Variants in EPHA6 observed in about 807,000 individuals in gnomAD.
EPHA6 encodes the protein EPH receptor A6.
In EPHA6, 50 loss-of-function variants were observed where a neutral mutation model predicts 112.0. That is an observed-to-expected ratio of 0.45 (90% CI 0.36 to 0.56). EPHA6 has a LOEUF of 0.56. Among genes scored for constraint, EPHA6 ranks in the 20% least tolerant of loss-of-function variants. The probability of loss-of-function intolerance (pLI) is 0.00; values close to 1 mark genes in which losing one functional copy is unlikely to be tolerated. For synonymous variants in EPHA6, 529 were observed against 490.7 expected (o/e 1.08, Z -1.03); for missense variants, 1,280 against 1,417.4 (o/e 0.90, Z 1.56).
At chr3:97,672,581 G>A in intron 14 of EPHA6, among the ~76,000 whole-genome samples, 1 of 152,012 alleles carries the variant, frequency 6.6e-6, no homozygotes, top group Non-Finnish European at 1.5e-5. Flanking sequence ...AAGAGTGGAA[G>A]TGTCCTGTTG....
At chr3:97,555,284 A>G (rs911483213) in intron 11 of EPHA6, among the ~76,000 whole-genome samples, 1 of 152,124 alleles carries the variant, frequency 6.6e-6, no homozygotes, top group African/African-American at 2.4e-5. Context: ...GCTGCATAGT[A>G]TTCCATGGTG....
chr3:96,868,813 A>G (rs1295420716), intron 2 of EPHA6, among the ~76,000 whole-genome samples: 1 of 152,028 alleles, frequency 6.6e-6, no homozygotes, highest in Non-Finnish European at 1.5e-5. Context: ...TGTGCTACAT[A>G]AAATATAGGT....
chr3:97,071,720 T>C (rs921780684), intron 3 of EPHA6, among the ~76,000 whole-genome samples: 4 of 152,020 alleles, frequency 2.6e-5, no homozygotes, highest in Admixed American at 6.6e-5. Context: ...CCAAACCATA[T>C]CACATTATAT....
intron 7 of EPHA6, among the ~76,000 whole-genome samples, chr3:97,471,708 G>C (rs143154351): frequency 6.6e-6 from 1 of 151,814 alleles, no homozygotes; most frequent in East Asian, 1.9e-4. Context: ...CAAGGGAAGG[G>C]TGGGAATGTG....
chr3:97,640,988 G>T (rs1300350392), intron 14 of EPHA6, among the ~76,000 whole-genome samples: 1 of 152,130 alleles, frequency 6.6e-6, no homozygotes, highest in Non-Finnish European at 1.5e-5. Context: ...TGTTCATTAT[G>T]ATTCAATAAT....
intron 3 of EPHA6, among the ~76,000 whole-genome samples, chr3:97,038,525 A>G (rs1040345721): frequency 2.6e-5 from 4 of 152,190 alleles, no homozygotes; most frequent in African/African-American, 9.6e-5. Context: ...TCTATTGTGT[A>G]TATGTGACAC....
intron 16 of EPHA6, among the ~76,000 whole-genome samples, chr3:97,739,613 A>T (rs1038860734): frequency 3.3e-5 from 5 of 152,148 alleles, no homozygotes; most frequent in African/African-American, 1.2e-4. Context: ...CATGTTGGTC[A>T]TAGAAGGCTT....
chr3:96,947,545 T>C (rs187364329), intron 2 of EPHA6, among the ~76,000 whole-genome samples: 8 of 152,322 alleles, frequency 5.3e-5, no homozygotes, highest in Middle Eastern at 6.8e-3. Flanking sequence ...TCTATATCTC[T>C]GTTTTGGTAC....
intron 11 of EPHA6, among the ~76,000 whole-genome samples, chr3:97,577,671 A>C (rs1275832154): frequency 6.6e-6 from 1 of 152,210 alleles, no homozygotes. Flanking sequence ...TAACCAGTTA[A>C]AATTTTTATC....
chr3:97,253,392 G>A (rs1380063086), intron 5 of EPHA6, among the ~76,000 whole-genome samples: 1 of 152,114 alleles, frequency 6.6e-6, no homozygotes, highest in African/African-American at 2.4e-5. Context: ...ATGCATTCTA[G>A]TTATTTTGAC....
rs370583176 is a variant in EPHA6 at position 96,988,293 on chromosome 3, A to C, written c.1114+300A>C. ...AATTGATTCATATTAACCATAAGAA[A>C]ATTTCTGTCATTTTTCTCCTGGGAA... On this transcript the variant is annotated intron_variant, in intron 3 of 17. Coordinates refer to ENST00000389672, the MANE Select transcript of EPHA6 (RefSeq NM_001080448.3). 5.3e-5 allele frequency among the ~76,000 whole-genome samples: 8 copies of C among 152,102 alleles called. No homozygotes were observed. In the East Asian group the frequency reaches 1.4e-3, roughly 26 times the overall value.
chr3:97,474,308 A>G (rs534501986), intron 7 of EPHA6, among the ~76,000 whole-genome samples: 11 of 151,982 alleles, frequency 7.2e-5, no homozygotes, highest in South Asian at 6.2e-4. Flanking sequence ...AGATTAATAG[A>G]TATTATTTAT....
At chr3:97,079,397 A>G (rs2046644644) in intron 3 of EPHA6, among the ~76,000 whole-genome samples, 1 of 152,106 alleles carries the variant, frequency 6.6e-6, no homozygotes, top group African/African-American at 2.4e-5. Flanking sequence ...GAACTAAATG[A>G]TGAGAACACA....
intron 14 of EPHA6, among the ~76,000 whole-genome samples, chr3:97,662,464 T>A (rs568874227): frequency 1.3e-5 from 2 of 152,226 alleles, no homozygotes; most frequent in East Asian, 1.9e-4. Context: ...TAAGGACCTC[T>A]CACCTGCAGC....
chr3:96,897,332 A>G (rs9873123), intron 2 of EPHA6, among the ~76,000 whole-genome samples: 2 of 151,860 alleles, frequency 1.3e-5, no homozygotes, highest in Admixed American at 6.6e-5. Context: ...AGTATAACCC[A>G]TTTTCTTATT....
chr3:97,760,403 T>C lies in EPHA6; in HGVS notation c.*11702T>C, dbSNP rs1270116911. 1.8e-5 allele frequency: 3 copies of C among 165,146 alleles called. No individual in the cohort carries two copies. The East Asian group carries it at 3.6e-4, about 20-fold the overall frequency. The allele number at this position is 165,146 out of a possible 1,614,324, so 10.2% of individuals were successfully genotyped here. A position where few individuals can be genotyped will look rare whatever the true frequency, so the allele number is the denominator to read the frequency against. ...ATATATACATATGTATGTGTGTATG[T>C]GTGTATATATATCTCTCTAGGTTGT... On this transcript the variant is annotated 3_prime_UTR_variant, in exon 18 of 18. Transcript: ENST00000389672.
At chr3:97,733,885 T>A (rs561885452) in intron 15 of EPHA6, among the ~76,000 whole-genome samples, 1 of 152,110 alleles carries the variant, frequency 6.6e-6, no homozygotes, top group African/African-American at 2.4e-5. Flanking sequence ...TTGTATTGGG[T>A]GATAAGAAAT....
intron 2 of EPHA6, among the ~76,000 whole-genome samples, chr3:96,942,539 G>T (rs2041025445): frequency 6.6e-6 from 1 of 152,202 alleles, no homozygotes; most frequent in African/African-American, 2.4e-5. Flanking sequence ...CTAGGAAAGG[G>T]AACTCCCTGA....
At chr3:96,959,469 A>T (rs1366307563) in intron 2 of EPHA6, among the ~76,000 whole-genome samples, 6 of 152,046 alleles carry the variant, frequency 3.9e-5, no homozygotes, top group African/African-American at 1.4e-4. Context: ...TACTTTCTTC[A>T]TGGTATAATT....
Sources: allele counts gnomAD v4.1 joint callset (sites outside exome capture counted in the v4.1 genomes callset), GRCh38; gene constraint gnomAD v4.1.1; transcripts MANE v1.5; gene names NCBI Gene and HGNC (gene_info 2026-07-23, HGNC 2026-07-21).